The following TRAPPC12 variants were observed in gnomAD, a reference collection of about 807,000 sequenced individuals.
TRAPPC12 encodes trafficking protein particle complex subunit 12, also known as TPR repeat protein 15.
Under a neutral mutation model 69.2 loss-of-function variants are expected in TRAPPC12, and 61 were observed. The ratio of observed to expected loss-of-function variants is 0.88; its 90% CI spans 0.72 to 1.09. TRAPPC12 has a LOEUF of 1.09. Ranked by LOEUF, TRAPPC12 falls within the 50% of genes least tolerant of loss-of-function variation. TRAPPC12 has a pLI of 0.00. For missense variants in TRAPPC12, 1,101 were observed against 1,016.4 expected (o/e 1.08, Z -1.13); for synonymous variants, 469 against 438.9 (o/e 1.07, Z -0.86).
chr2:3,462,719 C>T (rs1665574530), intron 8 of TRAPPC12: 1 of 308,244 alleles, frequency 3.2e-6, no homozygotes, highest in Admixed American at 4.7e-5. Flanking sequence ...ACTTCTTCCT[C>T]TCCTTAGGCC....
intron 3 of TRAPPC12, among the ~76,000 whole-genome samples, chr2:3,411,358 C>T (rs946563659): frequency 1.3e-5 from 2 of 152,198 alleles, no homozygotes; most frequent in African/African-American, 2.4e-5. Context: ...GACATCAAAG[C>T]GCTGTCTGCA....
At chr2:3,396,326 T>A in intron 2 of TRAPPC12, among the ~76,000 whole-genome samples, 1 of 152,146 alleles carries the variant, frequency 6.6e-6, no homozygotes, top group East Asian at 1.9e-4. Context: ...TCTGTAGTAA[T>A]TCTTATCCTC....
chr2:3,443,979 C>A, intron 6 of TRAPPC12, 88 bp downstream of exon 6: 1 of 965,638 alleles, frequency 1.0e-6, no homozygotes. Flanking sequence ...GTTCCCTGCC[C>A]GTCCTGCCCC....
At chr2:3,456,895 C>T (rs954315489) in intron 6 of TRAPPC12, 2 of 328,762 alleles carry the variant, frequency 6.1e-6, no homozygotes, top group Non-Finnish European at 1.2e-5. Context: ...GTTGGGATTA[C>T]AGGCTTGATG....
chr2:3,443,749 C>G, intron 5 of TRAPPC12, 30 bp from the exon 6 acceptor site: 2 of 1,589,760 alleles, frequency 1.3e-6, no homozygotes, highest in Non-Finnish European at 1.7e-6. Flanking sequence ...TTATGGCAAA[C>G]AAACTCACTC....
At chr2:3,453,481 T>G (rs1284459500) in intron 6 of TRAPPC12, among the ~76,000 whole-genome samples, 4 of 152,230 alleles carry the variant, frequency 2.6e-5, no homozygotes, top group Non-Finnish European at 5.9e-5. Flanking sequence ...CACTTGGCAC[T>G]GTTGCCTCAT....
In TRAPPC12 at chr2:3,479,282, C is replaced by T; in HGVS notation, c.2029C>T (p.Leu677=). 1 of 1,614,162 alleles carries T rather than the reference C, an allele frequency of 6.2e-7. No individual in the cohort carries two copies. The highest frequency in any genetic ancestry group is 8.5e-7 in the Non-Finnish European group (1 of 1,180,044). Reference sequence around the variant, plus strand: ...CAAGCTCAAGGACTCCCTGCGGCAGCTGGAGGCCATGGTCCAGCAGGACCC... The same window carrying T: ...CAAGCTCAAGGACTCCCTGCGGCAGTTGGAGGCCATGGTCCAGCAGGACCC... ...LGKLKDSLRQ[L]EAMVQQDPRH... is the part of the protein sequence containing the mutation. The change falls in exon 12 of 12, where the codon CTG becomes TTG. Residue 677 remains leucine, a synonymous_variant. Transcript: ENST00000324266.
At chr2:3,392,527 T>A (rs889457081) in intron 2 of TRAPPC12, among the ~76,000 whole-genome samples, 17 of 152,248 alleles carry the variant, frequency 1.1e-4, no homozygotes, top group African/African-American at 3.9e-4. Context: ...CTTTGTCTTA[T>A]GTTGTATTTC....
chr2:3,394,515 C>T (rs752976865), intron 2 of TRAPPC12, among the ~76,000 whole-genome samples: 1 of 151,756 alleles, frequency 6.6e-6, no homozygotes, highest in Non-Finnish European at 1.5e-5. Flanking sequence ...CAGCTACTTG[C>T]GAGGCTGAGG....
chr2:3,398,893 C>T (rs1661269549), intron 2 of TRAPPC12, among the ~76,000 whole-genome samples: 1 of 152,212 alleles, frequency 6.6e-6, no homozygotes, highest in Non-Finnish European at 1.5e-5. Context: ...CTGAAGGAAT[C>T]ATTGGTTCTA....
intron 5 of TRAPPC12, among the ~76,000 whole-genome samples, chr2:3,427,274 C>T (rs1046928612): frequency 1.3e-5 from 2 of 152,172 alleles, no homozygotes; most frequent in African/African-American, 2.4e-5. Flanking sequence ...TTCATAGTCC[C>T]GGGAGGGGGC....
At chr2:3,408,017 G>A (rs1318453330) in intron 3 of TRAPPC12, among the ~76,000 whole-genome samples, 2 of 152,154 alleles carry the variant, frequency 1.3e-5, no homozygotes, top group East Asian at 1.9e-4. Context: ...CTGGCCGGTC[G>A]TCCCCTCTCC....
chr2:3,387,660 C>G lies in TRAPPC12; in HGVS notation c.37C>G (p.Pro13Ala), dbSNP rs1269904446. Reference protein sequence around the residue: ...DAGGGEETPAPEAPHPPQLAP... With the variant: ...DAGGGEETPAAEAPHPPQLAP... ...TGGCGGCGGCGAGGAGACCCCGGCC[C>G]CGGAGGCCCCGCACCCCCCTCAGCT... Residue 13 changes from proline to alanine, a missense_variant, in exon 2 of 12, where the codon CCG becomes GCG. Coordinates refer to ENST00000324266, the MANE Select transcript of TRAPPC12 (RefSeq NM_016030.6). The G allele has an allele frequency of 2.6e-6, 4 of 1,549,362 alleles. No individual in the cohort carries two copies. Among genetic ancestry groups the G allele is most frequent in the Non-Finnish European group, 2.6e-6 (3 of 1,145,576 alleles).
chr2:3,410,614 G>A (rs1662004382), intron 3 of TRAPPC12, among the ~76,000 whole-genome samples: 1 of 152,164 alleles, frequency 6.6e-6, no homozygotes, highest in South Asian at 2.1e-4. Context: ...TGAGATGGAA[G>A]CCTTTACTGT....
chr2:3,477,590 A>G (rs1248964640), intron 9 of TRAPPC12, 105 bp from the exon 10 acceptor site: 7 of 607,820 alleles, frequency 1.2e-5, no homozygotes, highest in Non-Finnish European at 1.9e-5. Context: ...TCTGCCTGAC[A>G]TATAAATGTC....
intron 2 of TRAPPC12, among the ~76,000 whole-genome samples, chr2:3,392,250 T>C (rs1476580522): frequency 6.6e-6 from 1 of 152,018 alleles, no homozygotes; most frequent in African/African-American, 2.4e-5. Flanking sequence ...CAGATCCGAA[T>C]GACTTGTGTG....
chr2:3,392,655 C>T (rs1034443147), intron 2 of TRAPPC12, among the ~76,000 whole-genome samples: 1 of 152,194 alleles, frequency 6.6e-6, no homozygotes, highest in African/African-American at 2.4e-5. Flanking sequence ...AATGAGATAT[C>T]ATGGCTGTTA....
intron 2 of TRAPPC12, among the ~76,000 whole-genome samples, chr2:3,396,993 A>AT (rs1450636422): frequency 6.6e-6 from 1 of 152,200 alleles, no homozygotes; most frequent in Non-Finnish European, 1.5e-5. Context: ...AGAAAAAAAA[A>AT]GGAAAGAAAG....
chr2:3,420,782 G>GTT (rs1662737733), intron 3 of TRAPPC12, among the ~76,000 whole-genome samples: 1 of 152,236 alleles, frequency 6.6e-6, no homozygotes, highest in Non-Finnish European at 1.5e-5. Context: ...TCCCGGCGTG[G>GTT]AGTGCAGGAG....
Sources: allele counts gnomAD v4.1 joint callset (sites outside exome capture counted in the v4.1 genomes callset), GRCh38; gene constraint gnomAD v4.1.1; transcripts MANE v1.5; gene names NCBI Gene and HGNC (gene_info 2026-07-23, HGNC 2026-07-21).